ZNG1E: variants seen among roughly 807,000 people sequenced by gnomAD.
The protein encoded by ZNG1E is zinc-regulated GTPase metalloprotein activator 1E.
At chr9:65,708,064 T>C in the ZNG1E span, 2 of 150,316 alleles carry the variant, frequency 1.3e-5, no homozygotes, top group African/African-American at 5.0e-5. Flanking sequence ...TTCACCACGT[T>C]GTCCATGGCC....
At chr9:65,708,476 A>C in the ZNG1E span, 1 of 254,370 alleles carries the variant, frequency 3.9e-6, no homozygotes, top group South Asian at 4.6e-5. Flanking sequence ...TTGACTCCTC[A>C]TTTTTATATT....
the ZNG1E span, among the ~76,000 whole-genome samples, chr9:65,687,940 C>T: frequency 2.0e-5 from 3 of 150,540 alleles, no homozygotes; most frequent in Non-Finnish European, 4.4e-5. Flanking sequence ...GAACATTTTC[C>T]TTGTTTATTA....
the ZNG1E span, among the ~76,000 whole-genome samples, chr9:65,664,069 A>G: frequency 6.6e-6 from 1 of 152,228 alleles, no homozygotes; most frequent in Non-Finnish European, 1.5e-5. Flanking sequence ...ATCATACTGC[A>G]TACTTATGAA....
At chr9:65,665,443 G>T in the ZNG1E span, among the ~76,000 whole-genome samples, 1 of 152,392 alleles carries the variant, frequency 6.6e-6, no homozygotes, top group Non-Finnish European at 1.5e-5. Flanking sequence ...CAGAAGTCAA[G>T]AATTGAGGTT....
chr9:65,692,070 A>G, the ZNG1E span, among the ~76,000 whole-genome samples: 1 of 52,524 alleles, frequency 1.9e-5, no homozygotes, highest in African/African-American at 6.0e-5. Flanking sequence ...GGCATATGTT[A>G]TGTAAAACAT....
the ZNG1E span, among the ~76,000 whole-genome samples, chr9:65,715,392 C>G: frequency 1.3e-5 from 2 of 150,946 alleles, no homozygotes; most frequent in East Asian, 3.9e-4. Flanking sequence ...TAGACCGGAG[C>G]TGTTCCTATT....
chr9:65,691,732 A>G, the ZNG1E span, among the ~76,000 whole-genome samples: 1 of 151,966 alleles, frequency 6.6e-6, no homozygotes, highest in Non-Finnish European at 1.5e-5. Context: ...AGAATTAAAC[A>G]CTCCTCCCTT....
chr9:65,722,459 G>A, the ZNG1E span, among the ~76,000 whole-genome samples: 1 of 80,970 alleles, frequency 1.2e-5, no homozygotes, highest in Admixed American at 1.6e-4. Flanking sequence ...TTTGCATACA[G>A]TAAAGCATGC....
chr9:65,665,158 T>C, the ZNG1E span, among the ~76,000 whole-genome samples: 1 of 152,280 alleles, frequency 6.6e-6, no homozygotes, highest in African/African-American at 2.4e-5. Flanking sequence ...AACAAGGAGC[T>C]GAATGTTAAT....
chr9:65,660,684 G>T, the ZNG1E span, among the ~76,000 whole-genome samples: 2 of 151,616 alleles, frequency 1.3e-5, no homozygotes, highest in African/African-American at 2.4e-5. Flanking sequence ...ATTCAATAGG[G>T]AATAGGTGGG....
chr9:65,672,359 G>T, the ZNG1E span, among the ~76,000 whole-genome samples: 2 of 151,812 alleles, frequency 1.3e-5, no homozygotes, highest in African/African-American at 4.8e-5. Flanking sequence ...AACTGTAATA[G>T]ATTCTAAAAT....
chr9:65,687,743 C>T, the ZNG1E span, among the ~76,000 whole-genome samples: 126 of 147,710 alleles, frequency 8.5e-4, no homozygotes, highest in Non-Finnish European at 1.7e-3. Context: ...TTTGGGACAT[C>T]TAGTGTTACT....
chr9:65,665,111 G>A, the ZNG1E span, among the ~76,000 whole-genome samples: 1 of 152,270 alleles, frequency 6.6e-6, no homozygotes, highest in Non-Finnish European at 1.5e-5. Flanking sequence ...CATTTTCTGA[G>A]GAGAAATTCA....
the ZNG1E span, among the ~76,000 whole-genome samples, chr9:65,691,646 A>C: frequency 6.6e-6 from 1 of 152,256 alleles, no homozygotes; most frequent in Admixed American, 6.5e-5. Context: ...TCCTTAATGT[A>C]ATGTTAGAGC....
At chr9:65,684,540 A>ACACATGCACACG in the ZNG1E span, among the ~76,000 whole-genome samples, 52 of 141,818 alleles carry the variant, frequency 3.7e-4, no homozygotes, top group South Asian at 9.1e-3. Context: ...GTATACACAC[A>ACACATGCACACG]CACACGCACG....
the ZNG1E span, among the ~76,000 whole-genome samples, chr9:65,676,887 A>T: frequency 1.4e-5 from 2 of 146,968 alleles, no homozygotes; most frequent in African/African-American, 5.2e-5. Flanking sequence ...CAAATATATG[A>T]CTGTATTAGA....
At chr9:65,677,668 C>A in the ZNG1E span, among the ~76,000 whole-genome samples, 2 of 152,144 alleles carry the variant, frequency 1.3e-5, no homozygotes, top group African/African-American at 4.8e-5. Flanking sequence ...AATCCGACTG[C>A]GTCACACCTT....
the ZNG1E span, among the ~76,000 whole-genome samples, chr9:65,727,598 G>A: frequency 4.5e-5 from 6 of 131,936 alleles, 2 homozygotes; most frequent in African/African-American, 1.6e-4. Context: ...AGCAGGAGTT[G>A]CCATTCTTAT....
At chr9:65,671,418 C>G in the ZNG1E span, among the ~76,000 whole-genome samples, 2 of 151,834 alleles carry the variant, frequency 1.3e-5, no homozygotes, top group East Asian at 3.8e-4. Context: ...CTTTCGGGTT[C>G]AAGCAATTCT....
Sources: allele counts gnomAD v4.1 joint callset (sites outside exome capture counted in the v4.1 genomes callset), GRCh38; gene constraint gnomAD v4.1.1; transcripts MANE v1.5; gene names NCBI Gene and HGNC (gene_info 2026-07-23, HGNC 2026-07-21).